Variants in SH3RF2 observed in about 807,000 individuals in gnomAD.
The protein encoded by SH3RF2 is SH3 domain containing ring finger 2, also known as E3 ubiquitin-protein ligase SH3RF2.
A neutral mutation model predicts 59.0 loss-of-function variants in SH3RF2; 43 were observed. That is an observed-to-expected ratio of 0.73 (90% CI 0.57 to 0.94). SH3RF2 has a LOEUF of 0.94. Among genes scored for constraint, SH3RF2 ranks in the 40% least tolerant of loss-of-function variants. The probability of loss-of-function intolerance (pLI) is 0.00; values close to 1 mark genes in which losing one functional copy is unlikely to be tolerated. For missense variants in SH3RF2, 930 were observed against 940.1 expected, an observed-to-expected ratio of 0.99 and a Z score of 0.14; for synonymous variants, 391 against 391.5, an observed-to-expected ratio of 1.00 and a Z score of 0.01.
At chr5:146,034,503 G>T (rs1489692643) in intron 5 of SH3RF2, among the ~76,000 whole-genome samples, 1 of 152,194 alleles carries the variant, frequency 6.6e-6, no homozygotes, top group Non-Finnish European at 1.5e-5. Flanking sequence ...AGCTTTAAGT[G>T]ATGGCTTTGG....
At chr5:146,049,613 A>G (rs1366588651) in intron 7 of SH3RF2, among the ~76,000 whole-genome samples, 1 of 151,926 alleles carries the variant, frequency 6.6e-6, no homozygotes, top group Admixed American at 6.6e-5. Context: ...CTCTATCCCA[A>G]TGCTCCATCT....
intron 4 of SH3RF2, among the ~76,000 whole-genome samples, chr5:146,013,172 C>T (rs740368): frequency 0.71 from 108,214 of 152,134 alleles, 40,155 homozygotes; most frequent in African/African-American, 0.93. Flanking sequence ...CATTCACTCA[C>T]TATTCCACAA....
chr5:145,964,303 CCTTTCTTT>C (rs368015059), intron 2 of SH3RF2, among the ~76,000 whole-genome samples: 2 of 120,574 alleles, frequency 1.7e-5, no homozygotes, highest in Non-Finnish European at 3.3e-5. Flanking sequence ...TTCCTTCCTT[CCTTTCTTT>C]CTTTTTTTTT....
chr5:146,003,126 T>C (rs1410639635), intron 3 of SH3RF2, among the ~76,000 whole-genome samples: 1 of 152,228 alleles, frequency 6.6e-6, no homozygotes, highest in Non-Finnish European at 1.5e-5. Flanking sequence ...ATGAATGGTT[T>C]ATGGACAAGG....
At chr5:146,025,833 T>A (rs1172752166) in intron 5 of SH3RF2, among the ~76,000 whole-genome samples, 1 of 152,190 alleles carries the variant, frequency 6.6e-6, no homozygotes, top group Non-Finnish European at 1.5e-5. Context: ...ATCTGGTAAC[T>A]AAATGACATT....
intron 1 of SH3RF2, 71 bp from the exon 2 acceptor site, chr5:145,937,752 C>T (rs1443700232): frequency 7.1e-6 from 5 of 702,748 alleles, no homozygotes; most frequent in Non-Finnish European, 1.2e-5. Context: ...GAGACACTGC[C>T]TCAATGTAGG....
At chr5:146,027,580 T>C (rs923415068) in intron 5 of SH3RF2, among the ~76,000 whole-genome samples, 2 of 152,206 alleles carry the variant, frequency 1.3e-5, no homozygotes, top group African/African-American at 4.8e-5. Flanking sequence ...ACATACTTGA[T>C]TACAAGGTAT....
intron 2 of SH3RF2, among the ~76,000 whole-genome samples, chr5:145,965,368 G>A (rs1030204126): frequency 1.3e-5 from 2 of 152,122 alleles, no homozygotes; most frequent in African/African-American, 2.4e-5. Context: ...GAGTTCACTT[G>A]GTTATCTGGG....
intron 5 of SH3RF2, among the ~76,000 whole-genome samples, chr5:146,023,813 G>A (rs1371625239): frequency 1.3e-5 from 2 of 152,104 alleles, no homozygotes; most frequent in Non-Finnish European, 2.9e-5. Context: ...TGTCTTTATA[G>A]ATTTGCCTAT....
rs539911393 is a variant in SH3RF2, at chr5:145,972,334, G to A, written c.379-27724G>A. 3.3e-5 allele frequency among the ~76,000 whole-genome samples: 5 copies of A among 152,140 alleles called. No homozygotes were observed. In the South Asian group the frequency reaches 1.0e-3, roughly 31 times the overall value. On this transcript the variant is annotated intron_variant, in intron 2 of 9. Coordinates refer to ENST00000359120, the MANE Select transcript of SH3RF2 (RefSeq NM_152550.4). ...CCAGCATCCCATCAGAATAGCAAAG[G>A]CTCTGTTTCTACTCTTCAGAACAGA...
chr5:145,969,648 T>C (rs947889807), intron 2 of SH3RF2, among the ~76,000 whole-genome samples: 1 of 151,994 alleles, frequency 6.6e-6, no homozygotes, highest in Non-Finnish European at 1.5e-5. Flanking sequence ...GGCTGGAGGA[T>C]TGCTTGAGCC....
At chr5:145,959,520 T>A (rs1333228950) in intron 2 of SH3RF2, among the ~76,000 whole-genome samples, 1 of 152,066 alleles carries the variant, frequency 6.6e-6, no homozygotes, top group African/African-American at 2.4e-5. Context: ...TTTATATGAA[T>A]TGACCTCATT....
At chr5:146,081,135 G>A (rs1480555585) in exon 10 of SH3RF2, 2 of 152,122 alleles carry the variant, frequency 1.3e-5, no homozygotes, top group Non-Finnish European at 2.9e-5. Context: ...TACAGAATAT[G>A]TCTTCACTGT....
intron 2 of SH3RF2, among the ~76,000 whole-genome samples, chr5:145,967,783 C>T (rs1303026465): frequency 1.3e-5 from 2 of 152,152 alleles, no homozygotes; most frequent in South Asian, 2.1e-4. Flanking sequence ...CCTCAGCATC[C>T]TGAGTAGCTG....
At chr5:145,999,140 T>C (rs751130280) in intron 2 of SH3RF2, among the ~76,000 whole-genome samples, 14 of 152,194 alleles carry the variant, frequency 9.2e-5, no homozygotes, top group Non-Finnish European at 1.9e-4. Context: ...TTTTATGTTA[T>C]AGAGACAGCT....
chr5:146,015,927 CAT>C (rs1005864382), intron 5 of SH3RF2, among the ~76,000 whole-genome samples: 1 of 152,154 alleles, frequency 6.6e-6, no homozygotes, highest in African/African-American at 2.4e-5. Flanking sequence ...CCACTTATGA[CAT>C]ATCTAATGAT....
chr5:146,041,892 T>C (rs13171465), intron 5 of SH3RF2, among the ~76,000 whole-genome samples: 52,159 of 152,020 alleles, frequency 0.34, 9,313 homozygotes, highest in Non-Finnish European at 0.39. Context: ...GATTGCACCA[T>C]GGCACTCTAG....
chr5:145,963,001 C>G (rs1363363620), intron 2 of SH3RF2, among the ~76,000 whole-genome samples: 1 of 150,160 alleles, frequency 6.7e-6, no homozygotes, highest in Non-Finnish European at 1.5e-5. Flanking sequence ...GGGTTCACAC[C>G]ATTCTCCTGT....
At chr5:145,937,695 C>T (rs924864426) in intron 1 of SH3RF2, 128 bp from the exon 2 acceptor site, 9 of 551,422 alleles carry the variant, frequency 1.6e-5, no homozygotes, top group African/African-American at 1.5e-4. Flanking sequence ...CAGAATGAGT[C>T]ATTTGAAACT....
Sources: gnomAD v4.1 joint callset for allele counts (sites outside exome capture counted in the v4.1 genomes callset) on GRCh38, gnomAD v4.1.1 for gene constraint, MANE v1.5 for transcripts, NCBI Gene and HGNC (gene_info 2026-07-23, HGNC 2026-07-21) for gene names.